The following MYPOP variants were observed in gnomAD, a reference collection of about 807,000 sequenced individuals.
MYPOP encodes myb-related transcription factor, partner of profilin.
In MYPOP, 21 loss-of-function variants were observed where a neutral mutation model predicts 25.7. The observed-to-expected ratio is 0.82, with a 90% CI of 0.58 to 1.18. MYPOP has a LOEUF of 1.18. Among genes scored for constraint, MYPOP ranks in the 50% most tolerant of loss-of-function variants. The pLI, the probability that MYPOP is intolerant of heterozygous loss-of-function variation, is 0.00. For synonymous variants in MYPOP, 280 were observed against 247.9 expected, an observed-to-expected ratio of 1.13 and a Z score of -1.22; for missense variants, 566 against 588.3, an observed-to-expected ratio of 0.96 and a Z score of 0.39.
chr19:45,898,168 G>T (rs1308246698), intron 2 of MYPOP, among the ~76,000 whole-genome samples: 1 of 149,658 alleles, frequency 6.7e-6, no homozygotes. Context: ...CAGGTGATCC[G>T]CCCGCCTTGG....
intron 2 of MYPOP, among the ~76,000 whole-genome samples, chr19:45,897,114 A>T (rs1300318221): frequency 2.0e-5 from 3 of 147,488 alleles, no homozygotes; most frequent in Non-Finnish European, 4.5e-5. Flanking sequence ...CCCAGGCTGG[A>T]GTGCAATGGC....
intron 2 of MYPOP, among the ~76,000 whole-genome samples, chr19:45,900,192 C>T (rs1377678998): frequency 6.6e-6 from 1 of 152,208 alleles, no homozygotes; most frequent in Non-Finnish European, 1.5e-5. Flanking sequence ...AACTCCTCAC[C>T]TTGGCCTAAA....
Position 45,891,310 on chromosome 19 carries a change from G to C in MYPOP, c.513C>G (p.His171Gln). Residue 171 changes from histidine (H) to glutamine (Q), a missense_variant, in exon 3 of 3, where the codon CAC becomes CAG. Coordinates refer to ENST00000322217, the MANE Select transcript of MYPOP (RefSeq NM_001012643.4). ...CCGGGCTGCTGGAGCCCGCCTTGCT[G>C]TGGGCTGATGTATCTGTAGAGAGAG... is the stretch of plus-strand genomic sequence containing the variant. ...REDRRADTSA[H>Q]SKAGSSSPEP... The C allele has an allele frequency of 6.6e-7, 1 of 1,521,794 alleles. No homozygotes were observed. The highest frequency in any genetic ancestry group is 8.8e-7 in the Non-Finnish European group (1 of 1,141,534). 94.3% of individuals were successfully genotyped at this position (1,521,794 alleles called of 1,614,324 possible). A position where few individuals can be genotyped will look rare whatever the true frequency, so the allele number is the denominator to read the frequency against.
chr19:45,894,719 TTTTTC>T (rs776376898), intron 2 of MYPOP, among the ~76,000 whole-genome samples: 17 of 148,860 alleles, frequency 1.1e-4, no homozygotes, highest in Non-Finnish European at 1.5e-4. Flanking sequence ...ATTTTTTTCT[TTTTTC>T]TTTTTTTTTT....
rs769020400 is a variant in MYPOP, at chr19:45,891,205, C to G, written c.618G>C (p.Ser206=). Residue 206 remains serine, a synonymous_variant, in exon 3 of 3, where the codon TCG becomes TCC. Coordinates refer to ENST00000322217, the MANE Select transcript of MYPOP (RefSeq NM_001012643.4). The part of the protein sequence containing the change: ...RPKERESPPP[S]ALQPVQLPRL... ...GAGGCAGCTGGACCGGCTGCAGGGC[C>G]GAAGGGGGTGGTGACTCACGCTCCT... The G allele has an allele frequency of 1.3e-6, 2 of 1,531,798 alleles. No individual in the cohort carries two copies. Among genetic ancestry groups the G allele is most frequent in the African/African-American group, 1.4e-5 (1 of 73,032 alleles). The allele number at this position is 1,531,798 out of a possible 1,614,324, so 94.9% of individuals were successfully genotyped here.
chr19:45,895,442 C>T (rs1300935329), intron 2 of MYPOP, among the ~76,000 whole-genome samples: 1 of 152,002 alleles, frequency 6.6e-6, no homozygotes, highest in Non-Finnish European at 1.5e-5. Flanking sequence ...TTTGTAGAGA[C>T]AGGGTTTTGC....
At chr19:45,899,303 A>G (rs1410816254) in intron 2 of MYPOP, among the ~76,000 whole-genome samples, 3 of 152,180 alleles carry the variant, frequency 2.0e-5, no homozygotes, top group Admixed American at 1.3e-4. Context: ...TTTTCTCTAC[A>G]TTATTCCCTG....
intron 2 of MYPOP, among the ~76,000 whole-genome samples, chr19:45,898,645 G>A (rs976312083): frequency 3.3e-5 from 5 of 151,962 alleles, no homozygotes; most frequent in African/African-American, 1.2e-4. Flanking sequence ...GATTCTAATC[G>A]AGGATGCTCT....
Position 45,901,764 on chromosome 19 carries a change from C to T in MYPOP, c.10G>A (p.Ala4Thr), listed in dbSNP as rs778879690. 4 of 1,470,808 alleles carry T rather than the reference C, an allele frequency of 2.7e-6. No homozygotes were observed. Among genetic ancestry groups the T allele is most frequent in the South Asian group, 1.3e-5 (1 of 75,056 alleles). The allele number at this position is 1,470,808 out of a possible 1,614,324, so 91.1% of individuals were successfully genotyped here. The change falls in exon 2 of 3, where the codon GCG (alanine) becomes ACG (threonine). Residue 4 changes from alanine (A) to threonine (T), a missense_variant. Physicochemically the swap from Ala to Thr is moderately conservative, Grantham distance 58. Coordinates refer to ENST00000322217, the MANE Select transcript of MYPOP (RefSeq NM_001012643.4). This position sits in a 1 kb window ranked among gnomAD's most constrained non-coding sequence, Gnocchi z 5.7. ...GTTTCCTCCGCTTCGCCCGCCGCCGCCGAGGCCATGGCGCCCCCCGACGCC... is the reference window on the plus strand; with the variant it reads ...GTTTCCTCCGCTTCGCCCGCCGCCGTCGAGGCCATGGCGCCCCCCGACGCC... The part of the protein sequence containing the change: MAS[A>T]AAGEAEETTR...
At chr19:45,898,811 G>A (rs975718370) in intron 2 of MYPOP, among the ~76,000 whole-genome samples, 2 of 152,132 alleles carry the variant, frequency 1.3e-5, no homozygotes, top group Admixed American at 1.3e-4. Flanking sequence ...TGTCTGTATA[G>A]CCCCCTTCCA....
At chr19:45,896,776 C>T (rs1226461222) in intron 2 of MYPOP, among the ~76,000 whole-genome samples, 1 of 151,862 alleles carries the variant, frequency 6.6e-6, no homozygotes, top group Non-Finnish European at 1.5e-5. Context: ...CAGGCGCCCG[C>T]CACTGCGCCC....
At chr19:45,895,973 A>G (rs1360837032) in intron 2 of MYPOP, among the ~76,000 whole-genome samples, 2 of 143,310 alleles carry the variant, frequency 1.4e-5, no homozygotes, top group Non-Finnish European at 3.2e-5. Context: ...GAAGATAGAG[A>G]AAAAAAAAAT....
At chr19:45,896,637 G>A (rs1390005286) in intron 2 of MYPOP, among the ~76,000 whole-genome samples, 1 of 67,910 alleles carries the variant, frequency 1.5e-5, no homozygotes, top group Non-Finnish European at 3.0e-5. Context: ...TTTTTTTTTT[G>A]AGACGGAGTC....
intron 2 of MYPOP, among the ~76,000 whole-genome samples, chr19:45,897,972 G>T (rs1481221515): frequency 6.6e-6 from 1 of 150,542 alleles, no homozygotes; most frequent in African/African-American, 2.4e-5. Context: ...CACCCAGGCT[G>T]GAGTGCAGTG....
intron 2 of MYPOP, among the ~76,000 whole-genome samples, chr19:45,900,447 C>CCA (rs1321728984): frequency 7.4e-4 from 78 of 106,116 alleles, no homozygotes; most frequent in African/African-American, 3.0e-3. Context: ...CCCTCCTGGA[C>CCA]CACCCCCCCC....
At chr19:45,896,697 C>T (rs1207067870) in intron 2 of MYPOP, among the ~76,000 whole-genome samples, 3 of 150,814 alleles carry the variant, frequency 2.0e-5, no homozygotes, top group Non-Finnish European at 4.4e-5. Context: ...GCAATCTCGG[C>T]TCACTGCAAG....
intron 2 of MYPOP, among the ~76,000 whole-genome samples, chr19:45,894,938 G>C (rs1191728065): frequency 6.6e-6 from 1 of 151,702 alleles, no homozygotes; most frequent in Non-Finnish European, 1.5e-5. Context: ...AGATGGTCTC[G>C]ATCTCTTGAC....
In MYPOP at chr19:45,891,296, G is replaced by C; in HGVS notation, c.527C>G (p.Ser176Cys). 1.3e-6 allele frequency: 2 copies of C among 1,539,224 alleles called. No individual in the cohort carries two copies. Among genetic ancestry groups the C allele is most frequent in the Non-Finnish European group, 1.7e-6 (2 of 1,149,912 alleles). ...ADTSAHSKAG[S>C]SSPEPWARPS... Reference sequence around the variant, plus strand: ...CCGGGCCCATGGCTCCGGGCTGCTGGAGCCCGCCTTGCTGTGGGCTGATGT... The same window carrying C: ...CCGGGCCCATGGCTCCGGGCTGCTGCAGCCCGCCTTGCTGTGGGCTGATGT... Residue 176 changes from serine to cysteine, a missense_variant, in exon 3 of 3, where the codon TCC (serine) becomes TGC (cysteine). Coordinates refer to ENST00000322217, the MANE Select transcript of MYPOP (RefSeq NM_001012643.4).
Position 45,901,394 on chromosome 19 carries a change from G to T in MYPOP, c.380C>A (p.Pro127Gln). ...CTCCTCCGCCCCAGCACCTGCCCCC[G>T]GCGCCGCCACACCTGGCCCCAGGAT... ...FAILGPGVAA[P>Q]GAGAGAEEPP... Residue 127 changes from proline to glutamine, a missense_variant, in exon 2 of 3, where the codon CCG becomes CAG. Pro to Gln is a moderately conservative substitution (Grantham distance 76). Transcript: ENST00000322217. The surrounding 1 kb of genome is among the most constrained non-coding windows in gnomAD (Gnocchi z 5.7). 2 of 1,521,704 alleles carry T rather than the reference G, an allele frequency of 1.3e-6. No homozygotes were observed. The highest frequency in any genetic ancestry group is 1.8e-6 in the Non-Finnish European group (2 of 1,134,694). 94.3% of individuals were successfully genotyped at this position (1,521,704 alleles called of 1,614,324 possible). A position where few individuals can be genotyped will look rare whatever the true frequency, so the allele number is the denominator to read the frequency against.
Sources: gnomAD v4.1 joint callset for allele counts (sites outside exome capture counted in the v4.1 genomes callset) on GRCh38, gnomAD v4.1.1 for gene constraint, Gnocchi (gnomAD v3.1) non-coding constraint, MANE v1.5 for transcripts, NCBI Gene and HGNC (gene_info 2026-07-23, HGNC 2026-07-21) for gene names.